GSG1L: variants seen among roughly 807,000 people sequenced by gnomAD.
GSG1L encodes the protein GSG1 like.
Under a neutral mutation model 42.1 loss-of-function variants are expected in GSG1L, and 24 were observed. The observed-to-expected ratio is 0.57, with a 90% confidence interval of 0.41 to 0.80. The LOEUF (loss-of-function observed/expected upper bound fraction) is 0.80, where lower values mean the gene tolerates loss of function less well. Ranked by LOEUF, GSG1L falls within the 30% of genes least tolerant of loss-of-function variation. The probability of loss-of-function intolerance (pLI) is 0.00; values close to 1 mark genes in which losing one functional copy is unlikely to be tolerated. For synonymous variants in GSG1L, 215 were observed against 203.5 expected, an observed-to-expected ratio of 1.06 and a Z score of -0.48; for missense variants, 445 against 472.2, an observed-to-expected ratio of 0.94 and a Z score of 0.53.
At chr16:27,978,766 T>A (rs1214241344) in intron 1 of GSG1L, among the ~76,000 whole-genome samples, 1 of 152,022 alleles carries the variant, frequency 6.6e-6, no homozygotes, top group African/African-American at 2.4e-5. Context: ...AATGGTTTTT[T>A]TTTTTAAATA....
chr16:27,970,713 C>A (rs1034200826), intron 1 of GSG1L, among the ~76,000 whole-genome samples: 1 of 151,874 alleles, frequency 6.6e-6, no homozygotes, highest in Non-Finnish European at 1.5e-5. Context: ...AGTGTTATAC[C>A]TAAGAAGGGT....
intron 3 of GSG1L, among the ~76,000 whole-genome samples, chr16:27,878,498 A>G (rs2083914909): frequency 6.6e-6 from 1 of 152,222 alleles, no homozygotes; most frequent in African/African-American, 2.4e-5. Context: ...TCCCGCCCTT[A>G]ACATGAGGAG....
chr16:27,868,786 C>A (rs535648413), intron 3 of GSG1L, among the ~76,000 whole-genome samples: 1 of 152,242 alleles, frequency 6.6e-6, no homozygotes, highest in Non-Finnish European at 1.5e-5. Flanking sequence ...AGCTGCCAAG[C>A]CCCTCAGTGG....
At chr16:28,052,981 G>A (rs1231931051) in intron 1 of GSG1L, among the ~76,000 whole-genome samples, 2 of 152,204 alleles carry the variant, frequency 1.3e-5, no homozygotes, top group Admixed American at 1.3e-4. Flanking sequence ...GGTGGGGCCC[G>A]GGCCAAGTGG....
At chr16:27,795,402 C>A (rs2082807483) in intron 6 of GSG1L, among the ~76,000 whole-genome samples, 1 of 152,178 alleles carries the variant, frequency 6.6e-6, no homozygotes, top group African/African-American at 2.4e-5. Context: ...GCCTCCACTG[C>A]TTGCAAATTG....
chr16:27,895,327 G>T (rs2084178147), intron 2 of GSG1L, among the ~76,000 whole-genome samples: 1 of 152,104 alleles, frequency 6.6e-6, no homozygotes, highest in Non-Finnish European at 1.5e-5. Flanking sequence ...TCAGACAGGG[G>T]ACACGGATCC....
In GSG1L at chr16:27,788,941, G is replaced by C. The variant is rs946735408; in HGVS notation, c.*2429C>G. 6.6e-6 allele frequency: 1 copy of C among 152,252 alleles called. No individual in the cohort carries two copies. The highest frequency in any genetic ancestry group is 2.4e-5 in the African/African-American group (1 of 41,458). 9.4% of individuals were successfully genotyped at this position (152,252 alleles called of 1,614,324 possible). A position where few individuals can be genotyped will look rare whatever the true frequency, so the allele number is the denominator to read the frequency against. Reference sequence around the variant, plus strand: ...CTCACGACAATAGATGCCCTCTCTGGATGCTCCAGCATCCCACCTCAAGTG... The same window carrying C: ...CTCACGACAATAGATGCCCTCTCTGCATGCTCCAGCATCCCACCTCAAGTG... On this transcript the variant is annotated 3_prime_UTR_variant, in exon 7 of 7. Coordinates refer to ENST00000447459, the MANE Select transcript of GSG1L (RefSeq NM_001109763.2).
intron 5 of GSG1L, among the ~76,000 whole-genome samples, chr16:27,810,334 G>T (rs891466589): frequency 6.6e-6 from 1 of 152,166 alleles, no homozygotes; most frequent in Non-Finnish European, 1.5e-5. Context: ...GCTGGGTGTG[G>T]TGATGTGTTC....
At chr16:27,967,991 T>C (rs1334571195) in intron 1 of GSG1L, among the ~76,000 whole-genome samples, 1 of 152,124 alleles carries the variant, frequency 6.6e-6, no homozygotes, top group Non-Finnish European at 1.5e-5. Flanking sequence ...AAACTTTCTG[T>C]ACTGTTATAT....
At chr16:27,928,527 C>G (rs76640488) in intron 2 of GSG1L, among the ~76,000 whole-genome samples, 70,729 of 149,572 alleles carry the variant, frequency 0.47, 16,793 homozygotes, top group South Asian at 0.56. Context: ...GAAAACAAAA[C>G]AAAACAAAAC....
At chr16:27,927,378 G>A (rs759819804) in intron 2 of GSG1L, among the ~76,000 whole-genome samples, 5 of 152,136 alleles carry the variant, frequency 3.3e-5, no homozygotes, top group South Asian at 2.1e-4. Context: ...ATATTTTGGC[G>A]ATGAGAATCT....
At chr16:28,057,886 A>G (rs2141201694) in intron 1 of GSG1L, among the ~76,000 whole-genome samples, 1 of 152,296 alleles carries the variant, frequency 6.6e-6, no homozygotes, top group East Asian at 1.9e-4. Flanking sequence ...CTGGGCCCAA[A>G]CCCTGTGATG....
chr16:27,905,672 A>G (rs1426188371), intron 2 of GSG1L, among the ~76,000 whole-genome samples: 1 of 152,128 alleles, frequency 6.6e-6, no homozygotes, highest in Non-Finnish European at 1.5e-5. Flanking sequence ...CTTATCTGCA[A>G]TGGTACATGA....
Position 27,882,385 on chromosome 16 carries a change from C to T in GSG1L, c.550+2101G>A, listed in dbSNP as rs562456868. On this transcript the variant is annotated intron_variant, in intron 3 of 6. Coordinates refer to ENST00000447459, the MANE Select transcript of GSG1L (RefSeq NM_001109763.2). ...ACTGATACAATCCCCAAATGCAAAC[C>T]CGACCGTGTTGCCCCTTGCTCCACA... Among the ~76,000 whole-genome samples, 8 of 152,212 alleles carry T rather than the reference C, an allele frequency of 5.3e-5. No individual in the cohort carries two copies. The East Asian group carries it at 1.4e-3, about 26-fold the overall frequency.
chr16:27,812,703 G>A (rs560370953), intron 5 of GSG1L, among the ~76,000 whole-genome samples: 2 of 152,270 alleles, frequency 1.3e-5, no homozygotes, highest in South Asian at 4.2e-4. Flanking sequence ...GGGTGGTACC[G>A]TTTGAGCTGC....
At chr16:27,922,814 C>A (rs539936868) in intron 2 of GSG1L, among the ~76,000 whole-genome samples, 1 of 152,276 alleles carries the variant, frequency 6.6e-6, no homozygotes, top group African/African-American at 2.4e-5. Flanking sequence ...GATGGGGTCT[C>A]CCTCTGTTGC....
At chr16:27,939,292 A>T (rs2084758688) in intron 2 of GSG1L, among the ~76,000 whole-genome samples, 1 of 151,924 alleles carries the variant, frequency 6.6e-6, no homozygotes, top group South Asian at 2.1e-4. Flanking sequence ...CAGCTTTTTT[A>T]AAATACATTA....
intron 2 of GSG1L, among the ~76,000 whole-genome samples, chr16:27,961,060 C>T (rs2085065144): frequency 6.6e-6 from 1 of 152,202 alleles, no homozygotes; most frequent in Non-Finnish European, 1.5e-5. Context: ...CAAATTCACA[C>T]ACGCACTCAC....
intron 2 of GSG1L, among the ~76,000 whole-genome samples, chr16:27,925,962 AG>A (rs2084587568): frequency 6.6e-6 from 1 of 152,204 alleles, no homozygotes; most frequent in African/African-American, 2.4e-5. Context: ...TCAGAGGAAA[AG>A]GGGGAAAAAA....
Sources: allele counts gnomAD v4.1 joint callset (sites outside exome capture counted in the v4.1 genomes callset), GRCh38; gene constraint gnomAD v4.1.1; transcripts MANE v1.5; gene names NCBI Gene and HGNC (gene_info 2026-07-23, HGNC 2026-07-21).